The following LRSAM1 variants were observed in gnomAD, a reference collection of about 807,000 sequenced individuals.
The protein encoded by LRSAM1 is leucine rich repeat and sterile alpha motif containing 1.
A neutral mutation model predicts 118.1 loss-of-function variants in LRSAM1; 96 were observed. That is an observed-to-expected ratio of 0.81 (90% CI 0.69 to 0.96). The LOEUF is 0.96. Among genes scored for constraint, LRSAM1 ranks in the 40% least tolerant of loss-of-function variants. The pLI is 0.00. For synonymous variants in LRSAM1, 322 were observed against 364.2 expected (o/e 0.88, Z 1.32); for missense variants, 804 against 915.5 (o/e 0.88, Z 1.57).
At chr9:127,487,863 T>A in intron 18 of LRSAM1, 100 bp downstream of exon 18, 2 of 933,996 alleles carry the variant, frequency 2.1e-6, no homozygotes, top group Non-Finnish European at 1.6e-6. Context: ...CTAGACAGCA[T>A]GTGGGACCAC....
At position 127,484,658 on chromosome 9, in the gene LRSAM1, G is replaced by A. The variant is rs114292197; in HGVS notation, c.1160-1078G>A. Reference sequence around the variant, plus strand: ...TTACAGGTGAGCCGCCATGTCCAGCGTCTACATTTTCTTTATCCATTCATC... The same window carrying A: ...TTACAGGTGAGCCGCCATGTCCAGCATCTACATTTTCTTTATCCATTCATC... On this transcript the variant is annotated intron_variant, in intron 16 of 25. Coordinates refer to ENST00000300417, the MANE Select transcript of LRSAM1 (RefSeq NM_001005373.4). Among the ~76,000 whole-genome samples, 316 of 151,862 alleles carry A rather than the reference G, an allele frequency of 2.1e-3. 2 individuals are homozygous for A. The highest frequency in any genetic ancestry group is 6.4e-3 in the African/African-American group (267 of 41,432).
intron 2 of LRSAM1, chr9:127,453,976 G>A (rs1159725300): frequency 5.6e-5 from 10 of 179,930 alleles, no homozygotes; most frequent in East Asian, 3.2e-4. Context: ...CATGGAACTC[G>A]CTAGAAAGAC....
chr9:127,497,119 A>G, intron 23 of LRSAM1, 134 bp from the exon 24 acceptor site: 1 of 867,210 alleles, frequency 1.2e-6, no homozygotes. Flanking sequence ...GGGCCCCGCC[A>G]GGCCCCGGAA....
chr9:127,479,676 G>A (rs1031894545), intron 13 of LRSAM1, among the ~76,000 whole-genome samples, 163 bp from the exon 14 acceptor site: 2 of 152,158 alleles, frequency 1.3e-5, no homozygotes, highest in South Asian at 2.1e-4. Flanking sequence ...CAGCCTCCCC[G>A]TGTGCAGATG....
chr9:127,464,800 T>A (rs2254164), intron 9 of LRSAM1, among the ~76,000 whole-genome samples: 68,145 of 151,248 alleles, frequency 0.45, 16,018 homozygotes, highest in Non-Finnish European at 0.5. Context: ...ACCCCATCAC[T>A]CTTGGCTAAT....
intron 13 of LRSAM1, 98 bp downstream of exon 13, chr9:127,479,603 G>A: frequency 6.5e-7 from 1 of 1,545,134 alleles, no homozygotes; most frequent in Non-Finnish European, 8.8e-7. Context: ...AAGGCAGTGG[G>A]ATGAAGCTGT....
intron 24 of LRSAM1, among the ~76,000 whole-genome samples, chr9:127,500,374 A>AAAAAG (rs1306368505): frequency 1.4e-4 from 21 of 150,732 alleles, no homozygotes; most frequent in African/African-American, 3.9e-4. Flanking sequence ...AAAAAAAAAA[A>AAAAAG]AGAGACTTAG....
Position 127,495,397 on chromosome 9 carries a change from GC to G in LRSAM1, c.1680del (p.Leu561CysfsTer3). ...IQYQRLLNQK[P>X]LSLKLQEEGM... ...AGTATCAACGGCTTTTGAACCAGAA[GC>G]CCTTGTCCTTGAAGCTGCAAGTAAG... On this transcript the variant is annotated frameshift_variant, in exon 22 of 26. Coordinates refer to ENST00000300417, the MANE Select transcript of LRSAM1 (RefSeq NM_001005373.4). LOFTEE classifies it high-confidence loss of function. 1 of 1,613,968 alleles carries G rather than the reference GC, an allele frequency of 6.2e-7. No homozygotes were observed. Among genetic ancestry groups the G allele is most frequent in the South Asian group, 1.1e-5 (1 of 91,086 alleles).
At chr9:127,484,399 C>G (rs1483373375) in intron 16 of LRSAM1, among the ~76,000 whole-genome samples, 1 of 151,424 alleles carries the variant, frequency 6.6e-6, no homozygotes, top group Non-Finnish European at 1.5e-5. Flanking sequence ...TTTCCTTGCT[C>G]TGTCACCAGG....
intron 25 of LRSAM1, 26 bp from the exon 26 acceptor site, chr9:127,502,748 C>T (rs1023324232): frequency 8.1e-6 from 13 of 1,611,136 alleles, no homozygotes; most frequent in African/African-American, 1.3e-5. Context: ...TAGGGCCAGC[C>T]ACATGCTCCC....
chr9:127,483,863 A>G (rs1835628776), intron 16 of LRSAM1, among the ~76,000 whole-genome samples: 1 of 152,148 alleles, frequency 6.6e-6, no homozygotes, highest in African/African-American at 2.4e-5. Flanking sequence ...GGGTTTTGCC[A>G]TGTTGGCCAG....
At chr9:127,476,897 G>A (rs979586513) in intron 11 of LRSAM1, among the ~76,000 whole-genome samples, 2 of 151,998 alleles carry the variant, frequency 1.3e-5, no homozygotes, top group South Asian at 2.1e-4. Context: ...GTCTGGTCTC[G>A]AACTCCTGAA....
intron 9 of LRSAM1, among the ~76,000 whole-genome samples, chr9:127,463,921 A>C (rs969995161): frequency 2.0e-5 from 3 of 152,270 alleles, no homozygotes; most frequent in African/African-American, 7.2e-5. Flanking sequence ...ACTGAGGCAC[A>C]GGCAGTTTAA....
chr9:127,465,432 T>C lies in LRSAM1; in HGVS notation c.529-2308T>C, dbSNP rs1834890876. 6.6e-6 allele frequency among the ~76,000 whole-genome samples: 1 copy of C among 152,258 alleles called. No individual in the cohort carries two copies. Among genetic ancestry groups the C allele is most frequent in the Non-Finnish European group, 1.5e-5 (1 of 68,048 alleles). On this transcript the variant is annotated intron_variant, in intron 9 of 25. Coordinates refer to ENST00000300417, the MANE Select transcript of LRSAM1 (RefSeq NM_001005373.4). The surrounding 1 kb of genome is among the most constrained non-coding windows in gnomAD (Gnocchi z 4.1). ...ACCATAAATGGCCACACATGGCTTGTAGCCAGCATCCTGGTATAGCCCACA... is the reference window on the plus strand; with the variant it reads ...ACCATAAATGGCCACACATGGCTTGCAGCCAGCATCCTGGTATAGCCCACA...
At chr9:127,486,297 T>C (rs1588127327) in intron 17 of LRSAM1, 2 of 209,192 alleles carry the variant, frequency 9.6e-6, no homozygotes, top group South Asian at 1.6e-4. Context: ...ACCCCCACGG[T>C]TGGGGGTGGG....
chr9:127,497,117 C>G, intron 23 of LRSAM1, 136 bp from the exon 24 acceptor site: 1 of 862,456 alleles, frequency 1.2e-6, no homozygotes, highest in Non-Finnish European at 1.9e-6. Context: ...GTGGGCCCCG[C>G]CAGGCCCCGG....
In LRSAM1 at chr9:127,473,945, G is replaced by A; in HGVS notation, c.750+14G>A. ...TTAGAGTGGCAGGTAAGACAAGGCA[G>A]CCTGCTGCACGCATACATGTGTGTG... On this transcript the variant is annotated intron_variant, in intron 11 of 25. Transcript: ENST00000300417. 1 of 1,614,178 alleles carries A rather than the reference G, an allele frequency of 6.2e-7. No homozygotes were observed. Among genetic ancestry groups the A allele is most frequent in the Non-Finnish European group, 8.5e-7 (1 of 1,180,000 alleles).
intron 14 of LRSAM1, among the ~76,000 whole-genome samples, chr9:127,480,673 A>G (rs973170031): frequency 2.0e-5 from 3 of 152,198 alleles, no homozygotes; most frequent in Non-Finnish European, 2.9e-5. Flanking sequence ...CAAATGCACC[A>G]AGAAGCTGGG....
chr9:127,485,615 G>C, intron 16 of LRSAM1, 121 bp from the exon 17 acceptor site: 1 of 869,968 alleles, frequency 1.1e-6, no homozygotes. Flanking sequence ...TATCAGGTAG[G>C]TAACCAGGTG....
Sources: allele counts gnomAD v4.1 joint callset (sites outside exome capture counted in the v4.1 genomes callset), GRCh38; gene constraint gnomAD v4.1.1; non-coding constraint Gnocchi (gnomAD v3.1); transcripts MANE v1.5; gene names NCBI Gene and HGNC (gene_info 2026-07-23, HGNC 2026-07-21).